PLAGL1: variants seen among roughly 807,000 people sequenced by gnomAD.
PLAGL1 encodes the protein PLAG1 like zinc finger 1.
Under a neutral mutation model 4.6 loss-of-function variants are expected in PLAGL1, and 1 was observed. The observed-to-expected ratio is 0.22, with a 90% CI of 0.08 to 1.03. The LOEUF (loss-of-function observed/expected upper bound fraction) is 1.03. PLAGL1 is among the 50% of genes least tolerant of loss of function. The pLI is 0.58. For synonymous variants in PLAGL1, 240 were observed against 237.8 expected (o/e 1.01, Z -0.08); for missense variants, 464 against 570.4 (o/e 0.81, Z 1.90).
intron 1 of PLAGL1, among the ~76,000 whole-genome samples, chr6:144,002,153 C>T (rs2128660659): frequency 6.6e-6 from 1 of 152,268 alleles, no homozygotes; most frequent in East Asian, 1.9e-4. Context: ...TATACAAAAA[C>T]ACTGCACTAT....
chr6:143,977,083 T>TCCCCCCCCCC (rs55975019), intron 2 of PLAGL1, among the ~76,000 whole-genome samples: 11 of 136,894 alleles, frequency 8.0e-5, no homozygotes, highest in Non-Finnish European at 1.5e-4. Flanking sequence ...TATACTCCCT[T>TCCCCCCCCCC]CCCCCCCCCC....
At chr6:144,057,279 C>T (rs1001348747) in intron 1 of PLAGL1, among the ~76,000 whole-genome samples, 2 of 152,170 alleles carry the variant, frequency 1.3e-5, no homozygotes, top group African/African-American at 2.4e-5. Context: ...CATTGCAAAT[C>T]GTTAATAACC....
intron 1 of PLAGL1, among the ~76,000 whole-genome samples, chr6:144,057,818 T>C (rs1485258099): frequency 2.0e-5 from 3 of 151,582 alleles, no homozygotes; most frequent in Non-Finnish European, 4.4e-5. Context: ...CTTCCTCTCT[T>C]CTTTCAGCCC....
chr6:143,972,054 T>C lies in PLAGL1; in HGVS notation c.-543-3076A>G, dbSNP rs147111001. ...TAATAGTTCTCTGCAGAGGAAGAATTTTAAAAAGCAATAGCAACAATCAGG... is the reference window on the plus strand; with the variant it reads ...TAATAGTTCTCTGCAGAGGAAGAATCTTAAAAAGCAATAGCAACAATCAGG... On this transcript the variant is annotated intron_variant, in intron 2 of 7. Coordinates refer to ENST00000674357, the MANE Select transcript of PLAGL1 (RefSeq NM_001317162.2). The surrounding 1 kb of genome is among the most constrained non-coding windows in gnomAD (Gnocchi z 6.8). Among the ~76,000 whole-genome samples, 1,402 of 152,308 alleles carry C rather than the reference T, an allele frequency of 9.2e-3. 9 individuals are homozygous for C. The highest frequency in any genetic ancestry group is 0.024 in the Middle Eastern group (7 of 294).
intron 3 of PLAGL1, chr6:143,967,685 A>G (rs983030283): frequency 1.3e-5 from 2 of 152,184 alleles, no homozygotes; most frequent in African/African-American, 4.8e-5. Flanking sequence ...TGATGAGGGC[A>G]TTTGGGGATT....
upstream of PLAGL1, among the ~76,000 whole-genome samples, chr6:144,013,198 A>T (rs1562572537): frequency 6.6e-6 from 1 of 152,196 alleles, no homozygotes; most frequent in Non-Finnish European, 1.5e-5. This position sits in a 1 kb window ranked among gnomAD's most constrained non-coding sequence, Gnocchi z 4.4. Flanking sequence ...CAAATGCAGA[A>T]CAAGAAAATT....
At chr6:144,045,760 T>C (rs1255437907) in intron 1 of PLAGL1, among the ~76,000 whole-genome samples, 1 of 152,172 alleles carries the variant, frequency 6.6e-6, no homozygotes, top group Non-Finnish European at 1.5e-5. Context: ...GGAAGTTCTC[T>C]TGGATAATAT....
In PLAGL1 at chr6:143,959,385, G is replaced by T. The variant is rs1191509025; in HGVS notation, c.-325+1084C>A. ...TGGCTAGCACTCCTAGTCTTCTAATGTCAGGCACACTGTAAACAGAAGATA... is the reference window on the plus strand; with the variant it reads ...TGGCTAGCACTCCTAGTCTTCTAATTTCAGGCACACTGTAAACAGAAGATA... On this transcript the variant is annotated intron_variant, in intron 6 of 7. Coordinates refer to ENST00000674357, the MANE Select transcript of PLAGL1 (RefSeq NM_001317162.2). The surrounding 1 kb of genome is among the most constrained non-coding windows in gnomAD (Gnocchi z 5.3). Among the ~76,000 whole-genome samples, 7 of 152,042 alleles carry T rather than the reference G, an allele frequency of 4.6e-5. No individual in the cohort carries two copies. Among genetic ancestry groups the T allele is most frequent in the Admixed American group, 4.6e-4 (7 of 15,264 alleles).
Position 143,986,174 on chromosome 6 carries a change from A to T in PLAGL1, c.-583-1000T>A, listed in dbSNP as rs78832584. Among the ~76,000 whole-genome samples the T allele has an allele frequency of 4.0e-5, 6 of 151,644 alleles. No individual in the cohort carries two copies. In the East Asian group the frequency reaches 9.7e-4, roughly 25 times the overall value. ...AGACTCTGGGCACCCAGACTCTACC[A>T]TCCCTCAAGGAAACCCATGATAAAG... On this transcript the variant is annotated intron_variant, in intron 1 of 7. Transcript: ENST00000674357.
At position 143,949,828 on chromosome 6, in the gene PLAGL1, G is replaced by GTTGC. The variant is rs927852687; in HGVS notation, c.-324-1372_-324-1369dup. On this transcript the variant is annotated intron_variant, in intron 6 of 7. Transcript: ENST00000674357. The surrounding 1 kb of genome is among the most constrained non-coding windows in gnomAD (Gnocchi z 5.3). ...AGTCATTTATTGCCATGTCTCTAGA[G>GTTGC]TTGCTCTTTATTGTTAAAAGTTAAT... 2.0e-5 allele frequency among the ~76,000 whole-genome samples: 3 copies of GTTGC among 152,148 alleles called. No homozygotes were observed. The highest frequency in any genetic ancestry group is 7.2e-5 in the African/African-American group (3 of 41,422).
rs1783871289 is a variant in PLAGL1 at position 143,963,773 on chromosome 6, A to G, written c.-399+1014T>C. ...AATCTATTTCCTTCTCTTAATTCCCATAGCTACCTGCTGTTTGGGTGATGT... is the reference window on the plus strand; with the variant it reads ...AATCTATTTCCTTCTCTTAATTCCCGTAGCTACCTGCTGTTTGGGTGATGT... On this transcript the variant is annotated intron_variant, in intron 5 of 7. Coordinates refer to ENST00000674357, the MANE Select transcript of PLAGL1 (RefSeq NM_001317162.2). This position sits in a 1 kb window ranked among gnomAD's most constrained non-coding sequence, Gnocchi z 6.1. 1.3e-5 allele frequency among the ~76,000 whole-genome samples: 2 copies of G among 152,172 alleles called. No individual in the cohort carries two copies. The highest frequency in any genetic ancestry group is 2.4e-5 in the African/African-American group (1 of 41,426).
intron 1 of PLAGL1, among the ~76,000 whole-genome samples, chr6:144,028,365 G>C (rs1488417483): frequency 6.6e-6 from 1 of 152,138 alleles, no homozygotes; most frequent in African/African-American, 2.4e-5. Flanking sequence ...AATTCAAGCT[G>C]TGCATTGAGA....
At position 144,059,714 on chromosome 6, in the gene PLAGL1, T is replaced by C. The variant is rs1799243406; in HGVS notation, c.-151+4754A>G. 6.6e-6 allele frequency among the ~76,000 whole-genome samples: 1 copy of C among 152,008 alleles called. No homozygotes were observed. The highest frequency in any genetic ancestry group is 2.1e-4 in the South Asian group (1 of 4,826). ...ATCACCTATTGTGAATTTAAGGGAG[T>C]CTTGTCACTGGCTGCATTAAGCTTT... On this transcript the variant is annotated intron_variant, in intron 1 of 3. Transcript: ENST00000437412. This position sits in a 1 kb window ranked among gnomAD's most constrained non-coding sequence, Gnocchi z 4.9.
At position 144,036,790 on chromosome 6, in the gene PLAGL1, TA is replaced by T; in HGVS notation, c.-151+27677del. 1 of 341,610 alleles carries T rather than the reference TA, an allele frequency of 2.9e-6. No individual in the cohort carries two copies. 21.2% of individuals were successfully genotyped at this position (341,610 alleles called of 1,614,324 possible). On this transcript the variant is annotated intron_variant, in intron 1 of 3. Coordinates refer to the PLAGL1 transcript ENST00000437412. The surrounding 1 kb of genome is among the most constrained non-coding windows in gnomAD (Gnocchi z 5.1). ...AAGACAAGCAAGAAGGCAGACCTGC[TA>T]AATGCCCATTATGACACTATTTGAC...
chr6:144,027,287 G>GAA lies in PLAGL1; in HGVS notation c.-151+37179_-151+37180dup, dbSNP rs10683445. Among the ~76,000 whole-genome samples, 1,965 of 122,606 alleles carry GAA rather than the reference G, an allele frequency of 0.016. 78 individuals carry two copies. The highest frequency in any genetic ancestry group is 0.072 in the Admixed American group (757 of 10,450). 80.4% of individuals were successfully genotyped at this position (122,606 alleles called of 152,430 possible). The stretch of plus-strand genomic sequence containing the variant: ...AGAAAGAAAGAAAGAAAGAAAGAAA[G>GAA]AAAGAAAGTTATTTGATCTGAAGTA... On this transcript the variant is annotated intron_variant, in intron 1 of 3. Coordinates refer to the PLAGL1 transcript ENST00000437412. This position sits in a 1 kb window ranked among gnomAD's most constrained non-coding sequence, Gnocchi z 5.8.
chr6:144,042,996 A>G (rs1442680851), intron 1 of PLAGL1, among the ~76,000 whole-genome samples: 3 of 152,118 alleles, frequency 2.0e-5, no homozygotes, highest in African/African-American at 7.2e-5. Flanking sequence ...GGTGTATAGG[A>G]ATGCTTGTGA....
chr6:143,964,458 T>G lies in PLAGL1; in HGVS notation c.-399+329A>C, dbSNP rs1372857120. On this transcript the variant is annotated intron_variant, in intron 5 of 7. Coordinates refer to ENST00000674357, the MANE Select transcript of PLAGL1 (RefSeq NM_001317162.2). The surrounding 1 kb of genome is among the most constrained non-coding windows in gnomAD (Gnocchi z 4.3). ...GAATGGGGACTGGAGTCCGTTTTCA[T>G]TATGGGGAATGAAAACAGTAATGCT... 2.6e-5 allele frequency among the ~76,000 whole-genome samples: 4 copies of G among 152,096 alleles called. No homozygotes were observed. Among genetic ancestry groups the G allele is most frequent in the Non-Finnish European group, 5.9e-5 (4 of 68,014 alleles).
chr6:143,956,958 T>C (rs2268447), intron 6 of PLAGL1, among the ~76,000 whole-genome samples: 93,620 of 152,114 alleles, frequency 0.62, 29,319 homozygotes, highest in Non-Finnish European at 0.69. Context: ...CTCATCCATA[T>C]AGCACGGAAG....
chr6:144,060,242 T>C (rs1302449379), intron 1 of PLAGL1, among the ~76,000 whole-genome samples: 1 of 151,940 alleles, frequency 6.6e-6, no homozygotes, highest in African/African-American at 2.4e-5. Flanking sequence ...AGAGGTGGGG[T>C]TTCACCATGT....
Sources: gnomAD v4.1 joint callset for allele counts (sites outside exome capture counted in the v4.1 genomes callset) on GRCh38, gnomAD v4.1.1 for gene constraint, Gnocchi (gnomAD v3.1) non-coding constraint, MANE v1.5 for transcripts, NCBI Gene and HGNC (gene_info 2026-07-23, HGNC 2026-07-21) for gene names.